The following PDE3A variants were observed in gnomAD, a reference collection of about 807,000 sequenced individuals.
PDE3A encodes the protein phosphodiesterase 3A.
Under a neutral mutation model 98.3 loss-of-function variants are expected in PDE3A, and 43 were observed. That is an observed-to-expected ratio of 0.44 (90% CI 0.34 to 0.56). PDE3A has a LOEUF of 0.56. PDE3A is among the 20% of genes least tolerant of loss of function. The pLI is 0.01. For missense variants in PDE3A, 1,427 were observed against 1,440.7 expected, an observed-to-expected ratio of 0.99 and a Z score of 0.15; for synonymous variants, 663 against 567.9, an observed-to-expected ratio of 1.17 and a Z score of -2.38.
intron 1 of PDE3A, among the ~76,000 whole-genome samples, chr12:20,516,772 A>G (rs983818567): frequency 2.6e-5 from 4 of 152,222 alleles, no homozygotes; most frequent in African/African-American, 9.6e-5. Context: ...ATATTTTTCT[A>G]TGTAGTGAAG....
chr12:20,440,323 A>G (rs1473935882), intron 1 of PDE3A, among the ~76,000 whole-genome samples: 1 of 152,172 alleles, frequency 6.6e-6, no homozygotes, highest in African/African-American at 2.4e-5. Flanking sequence ...GTGTGATCCT[A>G]TGGGTTGCTT....
intron 1 of PDE3A, among the ~76,000 whole-genome samples, chr12:20,488,929 A>G (rs1042805086): frequency 6.6e-6 from 1 of 151,892 alleles, no homozygotes. Context: ...ATGATTCTGG[A>G]TCATTATGCC....
intron 15 of PDE3A, among the ~76,000 whole-genome samples, chr12:20,660,323 G>C (rs1373748515): frequency 6.6e-6 from 1 of 152,166 alleles, no homozygotes; most frequent in East Asian, 1.9e-4. Context: ...CTTTATAGCA[G>C]TGTGAAAATG....
chr12:20,372,222 G>T (rs938300522), intron 1 of PDE3A, among the ~76,000 whole-genome samples: 1 of 152,002 alleles, frequency 6.6e-6, no homozygotes, highest in African/African-American at 2.4e-5. Context: ...TTAATGTTTT[G>T]CTGATTAATG....
At chr12:20,513,897 C>T (rs889664495) in intron 1 of PDE3A, among the ~76,000 whole-genome samples, 1 of 152,070 alleles carries the variant, frequency 6.6e-6, no homozygotes, top group South Asian at 2.1e-4. Context: ...GTACTGTTAA[C>T]TTTTTTTGGC....
chr12:20,378,181 TTTAGA>T (rs915779906), intron 1 of PDE3A, among the ~76,000 whole-genome samples: 49 of 151,812 alleles, frequency 3.2e-4, no homozygotes, highest in African/African-American at 1.2e-3. Context: ...AAAGTAGGAA[TTTAGA>T]TTAGGTGAGT....
At chr12:20,445,703 G>T (rs1017906983) in intron 1 of PDE3A, among the ~76,000 whole-genome samples, 2 of 152,214 alleles carry the variant, frequency 1.3e-5, no homozygotes, top group Non-Finnish European at 2.9e-5. Context: ...CATAAATGCC[G>T]CCCTCACTGT....
intron 1 of PDE3A, among the ~76,000 whole-genome samples, chr12:20,418,087 G>T (rs1356516254): frequency 6.6e-6 from 1 of 151,948 alleles, no homozygotes; most frequent in Non-Finnish European, 1.5e-5. Context: ...AATGTCCCCA[G>T]AGCCTCCCTG....
intron 1 of PDE3A, among the ~76,000 whole-genome samples, chr12:20,389,381 A>G (rs1943872079): frequency 6.6e-6 from 1 of 151,934 alleles, no homozygotes; most frequent in Non-Finnish European, 1.5e-5. Context: ...TATCTCATCA[A>G]TCAGAATGTC....
chr12:20,443,425 T>G (rs1405996445), intron 1 of PDE3A, among the ~76,000 whole-genome samples: 2 of 152,206 alleles, frequency 1.3e-5, no homozygotes, highest in African/African-American at 4.8e-5. Flanking sequence ...CATAAGCTAT[T>G]TGGGTAATAC....
intron 1 of PDE3A, among the ~76,000 whole-genome samples, chr12:20,396,193 C>T (rs1019836973): frequency 3.9e-5 from 6 of 152,128 alleles, no homozygotes; most frequent in Admixed American, 3.3e-4. Context: ...AAAATATAAT[C>T]GTTAAAACAT....
intron 2 of PDE3A, among the ~76,000 whole-genome samples, chr12:20,591,702 C>G (rs1404416209): frequency 6.6e-6 from 1 of 152,182 alleles, no homozygotes; most frequent in South Asian, 2.1e-4. Context: ...GACTCAAAAA[C>G]TGTAAGCCTA....
rs1945788525 is a variant in PDE3A, at chr12:20,681,681, T to C, written c.*1410T>C. On this transcript the variant is annotated 3_prime_UTR_variant, in exon 16 of 16. Coordinates refer to ENST00000359062, the MANE Select transcript of PDE3A (RefSeq NM_000921.5). ...ATGCTTCTTCTGGCCGGGGAGATTA[T>C]AGAGAGATTGTTTGAAGATTGGGTT... is the stretch of plus-strand genomic sequence containing the variant. 6.6e-6 allele frequency: 1 copy of C among 152,178 alleles called. No individual in the cohort carries two copies. Among genetic ancestry groups the C allele is most frequent in the Admixed American group, 6.5e-5 (1 of 15,268 alleles). 9.4% of individuals were successfully genotyped at this position (152,178 alleles called of 1,614,324 possible).
chr12:20,542,951 A>G (rs1941957227), intron 1 of PDE3A, among the ~76,000 whole-genome samples: 1 of 152,126 alleles, frequency 6.6e-6, no homozygotes, highest in Non-Finnish European at 1.5e-5. Context: ...GAAGAGCTAG[A>G]AATAATAAAT....
At chr12:20,498,017 C>T (rs7484304) in intron 1 of PDE3A, among the ~76,000 whole-genome samples, 39,358 of 151,946 alleles carry the variant, frequency 0.26, 5,298 homozygotes, top group African/African-American at 0.31. Context: ...TATGCAGAAA[C>T]GTGTTATAGC....
chr12:20,587,440 T>TTA (rs200862118), intron 2 of PDE3A, among the ~76,000 whole-genome samples: 1,035 of 29,416 alleles, frequency 0.035, 11 homozygotes, highest in African/African-American at 0.1. Context: ...TTGGGATGAA[T>TTA]TTTTTTTTTT....
At chr12:20,531,214 A>C (rs1156371110) in intron 1 of PDE3A, among the ~76,000 whole-genome samples, 1 of 152,240 alleles carries the variant, frequency 6.6e-6, no homozygotes, top group African/African-American at 2.4e-5. Flanking sequence ...AAAAACAAAC[A>C]AACCAAAAAA....
rs530202823 is a variant in PDE3A, at chr12:20,466,367, G to A, written c.961-90293G>A. 7.9e-5 allele frequency among the ~76,000 whole-genome samples: 12 copies of A among 152,292 alleles called. No individual in the cohort carries two copies. The East Asian group carries it at 2.3e-3, about 29-fold the overall frequency. Reference sequence around the variant, plus strand: ...TAAACAAAGGTTCTAATAATTAAGAGTTCTTGCTGAATGCAAAGCAACAAT... The same window carrying A: ...TAAACAAAGGTTCTAATAATTAAGAATTCTTGCTGAATGCAAAGCAACAAT... On this transcript the variant is annotated intron_variant, in intron 1 of 15. Transcript: ENST00000359062.
chr12:20,406,386 C>T (rs1382508961), intron 1 of PDE3A, among the ~76,000 whole-genome samples: 1 of 152,128 alleles, frequency 6.6e-6, no homozygotes, highest in Admixed American at 6.6e-5. Flanking sequence ...CACACCCTTG[C>T]CAACACTTGT....
Sources: gnomAD v4.1 joint callset for allele counts (sites outside exome capture counted in the v4.1 genomes callset) on GRCh38, gnomAD v4.1.1 for gene constraint, MANE v1.5 for transcripts, NCBI Gene and HGNC (gene_info 2026-07-23, HGNC 2026-07-21) for gene names.